Variants in SVOPL observed in about 807,000 individuals in gnomAD.
The protein encoded by SVOPL is SVOP like, also known as putative transporter SVOPL.
Under a neutral mutation model 61.0 loss-of-function variants are expected in SVOPL, and 60 were observed. That is an observed-to-expected ratio of 0.98 (90% CI 0.80 to 1.22). SVOPL has a LOEUF of 1.22. SVOPL is among the 50% of genes most tolerant of loss of function. SVOPL has a pLI of 0.00. For synonymous variants in SVOPL, 279 were observed against 250.0 expected, an observed-to-expected ratio of 1.12 and a Z score of -1.09; for missense variants, 662 against 643.9, an observed-to-expected ratio of 1.03 and a Z score of -0.30.
chr7:138,594,549 C>G lies in SVOPL; in HGVS notation c.*61G>C. Reference sequence around the variant, plus strand: ...AGTAAAACCAAGTTTTAAAAAAATGCACCGCAGTTCTGAAGATAGAATTCA... The same window carrying G: ...AGTAAAACCAAGTTTTAAAAAAATGGACCGCAGTTCTGAAGATAGAATTCA... On this transcript the variant is annotated 3_prime_UTR_variant, in exon 16 of 16. Coordinates refer to ENST00000674285, the MANE Select transcript of SVOPL (RefSeq NM_001139456.2). 6.6e-7 allele frequency: 1 copy of G among 1,520,418 alleles called. No homozygotes were observed. The highest frequency in any genetic ancestry group is 8.9e-7 in the Non-Finnish European group (1 of 1,122,788). The allele number at this position is 1,520,418 out of a possible 1,614,324, so 94.2% of individuals were successfully genotyped here. A position where few individuals can be genotyped will look rare whatever the true frequency, so the allele number is the denominator to read the frequency against.
At chr7:138,597,150 A>G in intron 14 of SVOPL, 3 of 1,287,782 alleles carry the variant, frequency 2.3e-6, no homozygotes, top group Non-Finnish European at 2.0e-6. Flanking sequence ...CAGATACTCC[A>G]TCTCATACTT....
chr7:138,698,517 T>C (rs769504283), intron 1 of SVOPL, among the ~76,000 whole-genome samples: 3 of 152,134 alleles, frequency 2.0e-5, no homozygotes, highest in Non-Finnish European at 4.4e-5. Flanking sequence ...CTGGCCAGCA[T>C]AAGACAGGAA....
At chr7:138,692,565 AAAT>A (rs780228015) in intron 1 of SVOPL, among the ~76,000 whole-genome samples, 157 of 152,306 alleles carry the variant, frequency 1.0e-3, no homozygotes, top group African/African-American at 2.3e-3. Flanking sequence ...TCTGATTAAA[AAAT>A]AATAATAATA....
intron 1 of SVOPL, among the ~76,000 whole-genome samples, chr7:138,683,814 G>A (rs1404604420): frequency 6.6e-6 from 1 of 151,960 alleles, no homozygotes; most frequent in Non-Finnish European, 1.5e-5. Flanking sequence ...AGCGTTTTGT[G>A]AGGCTGAGGC....
intron 5 of SVOPL, chr7:138,661,392 T>C (rs1251391167): frequency 2.0e-6 from 2 of 985,238 alleles, no homozygotes; most frequent in African/African-American, 3.5e-5. Context: ...TCCATCAACT[T>C]GAGAGAGAAA....
rs377105654 is a variant in SVOPL, at chr7:138,644,854, A to G, written c.661-9T>C. The G allele has an allele frequency of 2.5e-6, 4 of 1,614,148 alleles. No individual in the cohort carries two copies. The highest frequency in any genetic ancestry group is 2.5e-6 in the Non-Finnish European group (3 of 1,180,008). On this transcript the variant is annotated splice_polypyrimidine_tract_variant and intron_variant, in intron 8 of 15. Transcript: ENST00000674285. ...GCAGATTCAGGAATAAACTGGGTAG[A>G]GATTACAAAGAACATCAGAGTGGCC...
At chr7:138,596,612 A>G in intron 14 of SVOPL, 82 bp from the exon 15 acceptor site, 1 of 1,510,344 alleles carries the variant, frequency 6.6e-7, no homozygotes, top group Non-Finnish European at 8.9e-7. Flanking sequence ...GAAAATACAG[A>G]TTCACTTCAC....
At chr7:138,612,121 T>C (rs1175474682) in intron 14 of SVOPL, among the ~76,000 whole-genome samples, 1 of 27,278 alleles carries the variant, frequency 3.7e-5, no homozygotes, top group Non-Finnish European at 7.9e-5. Context: ...CTCTGAAACA[T>C]GTGCTGTGTC....
rs763784054 is a variant in SVOPL, at chr7:138,626,053, A to G, written c.1182-3T>C. 3.7e-6 allele frequency: 6 copies of G among 1,614,092 alleles called. No homozygotes were observed. In the South Asian group the frequency reaches 6.6e-5, roughly 18 times the overall value. ...AGAGGAAGCCAATCAGGCCGGCACT[A>G]GAAAACAGGAAGCGGAGAGAAATTA... On this transcript the variant is annotated splice_polypyrimidine_tract_variant and splice_region_variant and intron_variant, in intron 12 of 15. Transcript: ENST00000674285.
chr7:138,698,801 C>G (rs1310368225), intron 1 of SVOPL, among the ~76,000 whole-genome samples: 1 of 151,344 alleles, frequency 6.6e-6, no homozygotes, highest in Admixed American at 6.6e-5. Context: ...GCAAAGCCAT[C>G]GAACAAATTT....
At chr7:138,647,330 G>A (rs539658196) in intron 8 of SVOPL, among the ~76,000 whole-genome samples, 1 of 152,204 alleles carries the variant, frequency 6.6e-6, no homozygotes, top group Admixed American at 6.5e-5. Flanking sequence ...GCGAAGAGCT[G>A]AGATCGCACC....
intron 14 of SVOPL, among the ~76,000 whole-genome samples, chr7:138,605,640 C>G (rs376561095): frequency 2.0e-4 from 17 of 84,274 alleles, no homozygotes; most frequent in Admixed American, 5.0e-4. Context: ...CTAACCTGGG[C>G]AAAAAAAAAA....
At chr7:138,634,977 G>T (rs1800395927) in intron 9 of SVOPL, among the ~76,000 whole-genome samples, 1 of 151,910 alleles carries the variant, frequency 6.6e-6, no homozygotes. Flanking sequence ...AATTTTAAAA[G>T]GTTAATATGG....
intron 13 of SVOPL, among the ~76,000 whole-genome samples, chr7:138,621,982 C>G (rs796736519): frequency 3.1e-3 from 114 of 36,948 alleles, no homozygotes; most frequent in Non-Finnish European, 5.3e-3. Context: ...ATGTATCTAT[C>G]TATCTATGTA....
At chr7:138,646,687 A>C (rs550325525) in intron 8 of SVOPL, among the ~76,000 whole-genome samples, 161 of 152,050 alleles carry the variant, frequency 1.1e-3, no homozygotes, top group African/African-American at 3.6e-3. Context: ...CCCAGCTAAA[A>C]TTTTTATTTT....
intron 5 of SVOPL, chr7:138,660,774 T>G: frequency 1.0e-6 from 1 of 984,518 alleles, no homozygotes; most frequent in Non-Finnish European, 1.2e-6. Flanking sequence ...TCAGAAAAAT[T>G]ATACCAATAG....
chr7:138,680,030 G>A (rs925962300), intron 1 of SVOPL, among the ~76,000 whole-genome samples: 3 of 152,258 alleles, frequency 2.0e-5, no homozygotes, highest in African/African-American at 7.2e-5. Flanking sequence ...GGGGCCAGAC[G>A]CAGGCCTTGG....
intron 9 of SVOPL, among the ~76,000 whole-genome samples, chr7:138,632,018 C>T (rs959452642): frequency 4.1e-5 from 6 of 147,770 alleles, no homozygotes; most frequent in Non-Finnish European, 8.9e-5. Flanking sequence ...TGGTTCTAAG[C>T]ATCTGGGCTC....
chr7:138,678,901 C>T lies in SVOPL; in HGVS notation c.82+63G>A. The stretch of plus-strand genomic sequence containing the variant: ...TTTGACCTCACCTTTTTGCATTTAA[C>T]CTTAAAAAGGATTCTTAACTCTAAG... On this transcript the variant is annotated intron_variant, in intron 2 of 15. Coordinates refer to ENST00000674285, the MANE Select transcript of SVOPL (RefSeq NM_001139456.2). 8 of 1,491,444 alleles carry T rather than the reference C, an allele frequency of 5.4e-6. No homozygotes were observed. The South Asian group carries it at 9.8e-5, about 18-fold the overall frequency. 92.4% of individuals were successfully genotyped at this position (1,491,444 alleles called of 1,614,324 possible). A position where few individuals can be genotyped will look rare whatever the true frequency, so the allele number is the denominator to read the frequency against.
Sources: gnomAD v4.1 joint callset for allele counts (sites outside exome capture counted in the v4.1 genomes callset) on GRCh38, gnomAD v4.1.1 for gene constraint, MANE v1.5 for transcripts, NCBI Gene and HGNC (gene_info 2026-07-23, HGNC 2026-07-21) for gene names.